Variants in FSTL5 observed in about 807,000 individuals in gnomAD.
FSTL5 encodes the protein follistatin-related protein 5.
FSTL5 carries 62 observed loss-of-function variants against 89.1 expected under a neutral mutation model. The ratio of observed to expected loss-of-function variants is 0.70; its 90% confidence interval spans 0.57 to 0.86. FSTL5 has a LOEUF of 0.86. Ranked by LOEUF, FSTL5 falls within the 40% of genes least tolerant of loss-of-function variation. FSTL5 has a pLI of 0.00. For missense variants in FSTL5, 1,057 were observed against 1,001.6 expected (o/e 1.06, Z -0.75); for synonymous variants, 383 against 346.2 (o/e 1.11, Z -1.18).
intron 2 of FSTL5, among the ~76,000 whole-genome samples, chr4:162,083,364 G>T (rs1380004469): frequency 1.3e-5 from 2 of 151,518 alleles, no homozygotes; most frequent in Non-Finnish European, 3.0e-5. Context: ...ATTCTCACAG[G>T]GATGAATGAT....
At chr4:161,922,969 A>C (rs1734031725) in intron 3 of FSTL5, among the ~76,000 whole-genome samples, 2 of 151,942 alleles carry the variant, frequency 1.3e-5, no homozygotes, top group Non-Finnish European at 2.9e-5. Context: ...CCTAAGTGAG[A>C]AACTGTACCC....
intron 4 of FSTL5, among the ~76,000 whole-genome samples, chr4:161,835,809 T>G (rs567967198): frequency 4.0e-4 from 61 of 151,938 alleles, no homozygotes; most frequent in African/African-American, 1.4e-3. Flanking sequence ...AAACAACAGG[T>G]GCTGGAGAGG....
Position 161,725,485 on chromosome 4 carries a change from C to T in FSTL5, c.727+33926G>A, listed in dbSNP as rs145479432. 5.0e-3 allele frequency among the ~76,000 whole-genome samples: 754 copies of T among 150,652 alleles called. 5 individuals are homozygous for T. The highest frequency in any genetic ancestry group is 0.017 in the African/African-American group (718 of 41,120). Reference sequence around the variant, plus strand: ...CATTTACTATATTAAAAGTTACTTGCGGGAAAATTGAATATATAAATAAAA... The same window carrying T: ...CATTTACTATATTAAAAGTTACTTGTGGGAAAATTGAATATATAAATAAAA... On this transcript the variant is annotated intron_variant, in intron 6 of 15. Transcript: ENST00000306100.
intron 4 of FSTL5, among the ~76,000 whole-genome samples, chr4:161,911,273 T>C (rs1325060837): frequency 6.6e-6 from 1 of 152,046 alleles, no homozygotes; most frequent in Non-Finnish European, 1.5e-5. Context: ...TTATTCTATA[T>C]ATATATAATT....
At chr4:161,977,665 A>ATAATAT (rs1735702841) in intron 3 of FSTL5, among the ~76,000 whole-genome samples, 1 of 135,360 alleles carries the variant, frequency 7.4e-6, no homozygotes, top group Admixed American at 7.2e-5. Flanking sequence ...AATAATAATA[A>ATAATAT]TAAATTATTT....
chr4:161,683,279 C>T (rs751115399), intron 6 of FSTL5, among the ~76,000 whole-genome samples: 2 of 150,410 alleles, frequency 1.3e-5, no homozygotes, highest in Non-Finnish European at 3.0e-5. Context: ...AATTTTTTGG[C>T]TCCATGGTAA....
chr4:161,426,894 T>C (rs1290872052), intron 15 of FSTL5, among the ~76,000 whole-genome samples: 1 of 152,188 alleles, frequency 6.6e-6, no homozygotes, highest in South Asian at 2.1e-4. Flanking sequence ...AATACACATA[T>C]TTTTTACCAA....
chr4:161,627,526 T>A (rs1008929727), intron 7 of FSTL5, among the ~76,000 whole-genome samples: 1 of 152,222 alleles, frequency 6.6e-6, no homozygotes, highest in East Asian at 1.9e-4. Context: ...TGATGGTCTA[T>A]AACCAAACCT....
chr4:162,014,523 C>T (rs1422843732), intron 3 of FSTL5, among the ~76,000 whole-genome samples: 1 of 149,336 alleles, frequency 6.7e-6, no homozygotes, highest in Non-Finnish European at 1.5e-5. Context: ...TCAAGAATTT[C>T]CTGTGCCTTG....
chr4:161,881,955 C>A (rs916132866), intron 4 of FSTL5, among the ~76,000 whole-genome samples: 6 of 152,034 alleles, frequency 3.9e-5, no homozygotes, highest in African/African-American at 1.2e-4. Flanking sequence ...CAGCAGTTAT[C>A]CAGTGGATTT....
intron 3 of FSTL5, among the ~76,000 whole-genome samples, chr4:161,997,601 C>CTTTTTTTTTT (rs60978465): frequency 7.7e-6 from 1 of 129,320 alleles, no homozygotes; most frequent in Non-Finnish European, 1.6e-5. Context: ...TACATGTTAT[C>CTTTTTTTTTT]TTTTTTTTTT....
At chr4:162,128,191 C>T (rs1732158776) in intron 1 of FSTL5, among the ~76,000 whole-genome samples, 1 of 152,086 alleles carries the variant, frequency 6.6e-6, no homozygotes, top group African/African-American at 2.4e-5. Flanking sequence ...CTAATTACTT[C>T]TAGTAATATG....
At chr4:161,949,471 A>G (rs1734830500) in intron 3 of FSTL5, among the ~76,000 whole-genome samples, 1 of 151,852 alleles carries the variant, frequency 6.6e-6, no homozygotes, top group Non-Finnish European at 1.5e-5. Flanking sequence ...TTTCTTCTGT[A>G]TAGGGTTTTC....
chr4:162,077,478 A>G (rs925817020), intron 2 of FSTL5, among the ~76,000 whole-genome samples: 1 of 151,902 alleles, frequency 6.6e-6, no homozygotes, highest in Non-Finnish European at 1.5e-5. Flanking sequence ...CTATCTTACA[A>G]TCATATGCTG....
intron 4 of FSTL5, among the ~76,000 whole-genome samples, chr4:161,879,309 C>A (rs756468367): frequency 2.6e-5 from 4 of 152,152 alleles, no homozygotes; most frequent in Admixed American, 6.5e-5. Flanking sequence ...CTACACCAAC[C>A]CCTGTAATAG....
intron 6 of FSTL5, among the ~76,000 whole-genome samples, chr4:161,672,312 C>G (rs1737143863): frequency 6.6e-6 from 1 of 152,054 alleles, no homozygotes; most frequent in African/African-American, 2.4e-5. Context: ...AAATCTTCAC[C>G]CAGCCTCTTG....
intron 4 of FSTL5, among the ~76,000 whole-genome samples, chr4:161,879,914 G>C (rs945181003): frequency 6.6e-6 from 1 of 152,038 alleles, no homozygotes; most frequent in Non-Finnish European, 1.5e-5. Context: ...AGCTCCATGG[G>C]AGCAACAGAA....
At chr4:161,470,551 A>G (rs1733900336) in intron 13 of FSTL5, among the ~76,000 whole-genome samples, 1 of 152,080 alleles carries the variant, frequency 6.6e-6, no homozygotes, top group African/African-American at 2.4e-5. Flanking sequence ...CTTCTTTTGC[A>G]AGAATATATT....
At chr4:161,892,519 T>C (rs1273703102) in intron 4 of FSTL5, among the ~76,000 whole-genome samples, 1 of 152,036 alleles carries the variant, frequency 6.6e-6, no homozygotes, top group African/African-American at 2.4e-5. Context: ...CAACTTTCTC[T>C]AAATGTGTAA....
Sources: allele counts gnomAD v4.1 joint callset (sites outside exome capture counted in the v4.1 genomes callset), GRCh38; gene constraint gnomAD v4.1.1; transcripts MANE v1.5; gene names NCBI Gene and HGNC (gene_info 2026-07-23, HGNC 2026-07-21).